ZC3H12B: variants seen among roughly 807,000 people sequenced by gnomAD.
ZC3H12B encodes the protein zinc finger CCCH-type containing 12B.
A neutral mutation model predicts 43.9 loss-of-function variants in ZC3H12B; 7 were observed. The ratio of observed to expected loss-of-function variants is 0.16; its 90% confidence interval spans 0.09 to 0.30. The LOEUF is 0.30. Ranked by LOEUF, ZC3H12B falls within the 10% of genes least tolerant of loss-of-function variation. The pLI, the probability that ZC3H12B is intolerant of heterozygous loss-of-function variation, is 1.00. For synonymous variants in ZC3H12B, 222 were observed against 241.7 expected, an observed-to-expected ratio of 0.92 and a Z score of 0.76; for missense variants, 475 against 670.2, an observed-to-expected ratio of 0.71 and a Z score of 3.22.
chrX:65,392,432 T>A (rs1432321304), intron 2 of ZC3H12B, among the ~76,000 whole-genome samples: 2 of 111,254 alleles, frequency 1.8e-5, no homozygotes, highest in Non-Finnish European at 3.8e-5. Flanking sequence ...GTCTGAGAAG[T>A]GAGGAGCCCC....
the ZC3H12B span, among the ~76,000 whole-genome samples, chrX:65,294,207 C>T: frequency 8.9e-4 from 99 of 111,675 alleles, no homozygotes; most frequent in Non-Finnish European, 1.7e-3. Context: ...TCTTTAGCAT[C>T]TTTAAACAAG....
chrX:65,273,401 C>T, the ZC3H12B span, among the ~76,000 whole-genome samples: 1 of 107,035 alleles, frequency 9.3e-6, no homozygotes, highest in Admixed American at 9.8e-5. Context: ...GGAAATTATC[C>T]TGTCTGAATA....
the ZC3H12B span, among the ~76,000 whole-genome samples, chrX:65,296,943 C>T: frequency 1.8e-5 from 2 of 111,387 alleles, no homozygotes; most frequent in African/African-American, 6.5e-5. Flanking sequence ...AAGACAAAAT[C>T]TAACAACTCT....
chrX:65,361,878 C>T (rs2066108113), upstream of ZC3H12B, among the ~76,000 whole-genome samples: 1 of 112,233 alleles, frequency 8.9e-6, no homozygotes, highest in African/African-American at 3.2e-5. Flanking sequence ...CAATTCCTTG[C>T]CTCCACTGCG....
At chrX:65,059,829 A>T in the ZC3H12B span, among the ~76,000 whole-genome samples, 1 of 111,840 alleles carries the variant, frequency 8.9e-6, no homozygotes, top group African/African-American at 3.3e-5. Context: ...GCATTTTAAC[A>T]ATATTGATTC....
chrX:65,446,286 G>A (rs938031592), intron 3 of ZC3H12B, among the ~76,000 whole-genome samples: 6 of 111,599 alleles, frequency 5.4e-5, no homozygotes, highest in African/African-American at 2.0e-4. Context: ...TTCTTCCAGA[G>A]CTGCAAGCTG....
the ZC3H12B span, among the ~76,000 whole-genome samples, chrX:65,307,860 G>A: frequency 8.9e-6 from 1 of 111,797 alleles, no homozygotes; most frequent in Non-Finnish European, 1.9e-5. Context: ...TTCTGTATGG[G>A]ACAAAGATAA....
At chrX:65,171,566 A>G in the ZC3H12B span, among the ~76,000 whole-genome samples, 2 of 111,415 alleles carry the variant, frequency 1.8e-5, no homozygotes, top group Admixed American at 1.9e-4. Flanking sequence ...CTCTCTTCAA[A>G]GCTGTCAGGC....
At chrX:65,212,946 G>C in the ZC3H12B span, among the ~76,000 whole-genome samples, 1 of 106,399 alleles carries the variant, frequency 9.4e-6, no homozygotes, top group African/African-American at 3.4e-5. Context: ...CTTAGTTCAT[G>C]GCACTTACCA....
At chrX:65,320,748 C>G in the ZC3H12B span, among the ~76,000 whole-genome samples, 1 of 111,683 alleles carries the variant, frequency 9.0e-6, no homozygotes, top group Non-Finnish European at 1.9e-5. Context: ...AGGCTGCACA[C>G]CTACAACTAT....
chrX:65,384,628 T>A lies in ZC3H12B; in HGVS notation n.296-13965T>A, dbSNP rs750210100. 4.5e-5 allele frequency among the ~76,000 whole-genome samples: 5 copies of A among 111,499 alleles called. No homozygotes were observed. The Admixed American group carries it at 4.8e-4, about 11-fold the overall frequency. ...TAAAAAAAATGGCAGGAGTAATTCT[T>A]TGCTTATCATTGAATGTTACTAATT... On this transcript the variant is annotated intron_variant and non_coding_transcript_variant, in intron 2 of 5. Coordinates refer to the ZC3H12B transcript ENST00000617377.
chrX:65,251,739 C>T, the ZC3H12B span, among the ~76,000 whole-genome samples: 2 of 110,883 alleles, frequency 1.8e-5, no homozygotes, highest in Non-Finnish European at 3.8e-5. Flanking sequence ...GGCTGTTTGT[C>T]TGTTATTGGT....
chrX:65,390,016 T>C (rs2066589819), intron 2 of ZC3H12B, among the ~76,000 whole-genome samples: 1 of 112,283 alleles, frequency 8.9e-6, no homozygotes, highest in East Asian at 2.8e-4. Flanking sequence ...CCAGTGTCCA[T>C]TAATGATAGA....
the ZC3H12B span, among the ~76,000 whole-genome samples, chrX:65,223,116 A>C: frequency 8.9e-6 from 1 of 111,925 alleles, no homozygotes; most frequent in Non-Finnish European, 1.9e-5. Flanking sequence ...GACAAAGCAA[A>C]CATAAACATA....
intron 3 of ZC3H12B, among the ~76,000 whole-genome samples, chrX:65,406,556 T>TCGGGGCTGGG (rs2066824105): frequency 6.1e-5 from 4 of 65,712 alleles, no homozygotes; most frequent in African/African-American, 5.2e-4. Flanking sequence ...CCCCGCCCGA[T>TCGGGGCTGGG]CGGGGCTGAA....
At chrX:65,431,548 C>T (rs1239347727) in intron 3 of ZC3H12B, among the ~76,000 whole-genome samples, 1 of 112,221 alleles carries the variant, frequency 8.9e-6, no homozygotes, top group Non-Finnish European at 1.9e-5. Flanking sequence ...ATAGGGGTGG[C>T]TGGTGAAAGA....
the ZC3H12B span, among the ~76,000 whole-genome samples, chrX:65,278,237 G>T: frequency 9.0e-6 from 1 of 111,500 alleles, no homozygotes; most frequent in Non-Finnish European, 1.9e-5. Context: ...GGTTGTCCTC[G>T]TGGCTCATTA....
At chrX:65,051,080 G>A in the ZC3H12B span, among the ~76,000 whole-genome samples, 214 of 111,216 alleles carry the variant, frequency 1.9e-3, 1 homozygote, top group Middle Eastern at 0.014. Context: ...ATGATTCAGC[G>A]TTGGTAGGTT....
intron 3 of ZC3H12B, among the ~76,000 whole-genome samples, chrX:65,459,179 G>C (rs2067688408): frequency 8.9e-6 from 1 of 111,812 alleles, no homozygotes; most frequent in Non-Finnish European, 1.9e-5. Flanking sequence ...AATCTGAATA[G>C]ACCAATAACA....
Sources: allele counts gnomAD v4.1 joint callset (sites outside exome capture counted in the v4.1 genomes callset), GRCh38; gene constraint gnomAD v4.1.1; transcripts MANE v1.5; gene names NCBI Gene and HGNC (gene_info 2026-07-23, HGNC 2026-07-21).